The following TMEM132C variants were observed in gnomAD, a reference collection of about 807,000 sequenced individuals.
The protein encoded by TMEM132C is transmembrane protein 132C.
Under a neutral mutation model 61.4 loss-of-function variants are expected in TMEM132C, and 29 were observed. That is an observed-to-expected ratio of 0.47 (90% confidence interval 0.35 to 0.64). The LOEUF is 0.64. TMEM132C is among the 30% of genes least tolerant of loss of function. TMEM132C has a pLI of 0.00. For missense variants in TMEM132C, 1,408 were observed against 1,476.9 expected (o/e 0.95, Z 0.76); for synonymous variants, 656 against 633.1 (o/e 1.04, Z -0.54).
chr12:128,631,996 TG>T (rs1954068412), intron 4 of TMEM132C, among the ~76,000 whole-genome samples: 1 of 152,030 alleles, frequency 6.6e-6, no homozygotes, highest in African/African-American at 2.4e-5. Flanking sequence ...GGAGTGGGGA[TG>T]GGGGGAAGGG....
intron 1 of TMEM132C, among the ~76,000 whole-genome samples, chr12:128,347,066 C>A (rs1375951785): frequency 2.0e-5 from 3 of 152,116 alleles, no homozygotes; most frequent in Non-Finnish European, 4.4e-5. Flanking sequence ...AGTCTTTTAT[C>A]CCTCAGTTCC....
chr12:128,596,985 T>G (rs554151669), intron 3 of TMEM132C, among the ~76,000 whole-genome samples: 2 of 152,322 alleles, frequency 1.3e-5, no homozygotes, highest in South Asian at 4.1e-4. Context: ...CATAATGGCT[T>G]TTCCAAAACT....
At chr12:128,450,812 AC>A (rs1870153112) in intron 2 of TMEM132C, among the ~76,000 whole-genome samples, 2 of 152,238 alleles carry the variant, frequency 1.3e-5, no homozygotes, top group South Asian at 4.1e-4. Context: ...GGATGCTGGC[AC>A]CCTTTGTGCT....
At chr12:128,563,054 A>G (rs1401472461) in intron 3 of TMEM132C, among the ~76,000 whole-genome samples, 1 of 152,242 alleles carries the variant, frequency 6.6e-6, no homozygotes, top group Admixed American at 6.5e-5. Context: ...CTCTTGACCC[A>G]GAAGCTCTGT....
chr12:128,374,455 T>C (rs1683690), intron 1 of TMEM132C, among the ~76,000 whole-genome samples: 145,085 of 152,178 alleles, frequency 0.95, 69,580 homozygotes, highest in East Asian at 1. Context: ...TCGGGCACAG[T>C]GAGCACTCTG....
chr12:128,438,084 C>T (rs1221465841), intron 2 of TMEM132C: 2 of 152,124 alleles, frequency 1.3e-5, no homozygotes. Context: ...TTTGCAGATT[C>T]TGTTAGCTCT....
chr12:128,678,663 C>G (rs771552421), intron 5 of TMEM132C, among the ~76,000 whole-genome samples: 2 of 152,178 alleles, frequency 1.3e-5, no homozygotes, highest in Non-Finnish European at 2.9e-5. Context: ...CTGAGAACAT[C>G]TAGCAATGTC....
intron 5 of TMEM132C, among the ~76,000 whole-genome samples, chr12:128,692,942 G>T (rs114010273): frequency 1.3e-5 from 2 of 152,172 alleles, no homozygotes; most frequent in African/African-American, 4.8e-5. Context: ...AAAGGGAGGC[G>T]CATAGGGAAA....
chr12:128,416,830 A>G (rs1421855648), intron 2 of TMEM132C, among the ~76,000 whole-genome samples: 1 of 152,128 alleles, frequency 6.6e-6, no homozygotes, highest in Non-Finnish European at 1.5e-5. Flanking sequence ...TCATTTGCTA[A>G]TGTTTTCTGG....
intron 2 of TMEM132C, among the ~76,000 whole-genome samples, chr12:128,518,771 G>A (rs1312310003): frequency 6.6e-6 from 1 of 152,070 alleles, no homozygotes; most frequent in African/African-American, 2.4e-5. Context: ...GTGTGTGTGT[G>A]TGTATGCACA....
rs182988655 is a variant in TMEM132C at position 128,387,971 on chromosome 12, C to A, written c.86-26761C>A. On this transcript the variant is annotated intron_variant, in intron 1 of 8. Coordinates refer to ENST00000435159, the MANE Select transcript of TMEM132C (RefSeq NM_001136103.3). ...GCCCGGCCGTCACCTGTGCCCTTCC[C>A]CGCCCTCTGGTGGCAGAGCTTAGAA... is the stretch of plus-strand genomic sequence containing the variant. Among the ~76,000 whole-genome samples the A allele has an allele frequency of 5.3e-5, 8 of 152,358 alleles. No homozygotes were observed. The East Asian group carries it at 1.5e-3, about 29-fold the overall frequency.
intron 1 of TMEM132C, among the ~76,000 whole-genome samples, chr12:128,271,596 T>C (rs1044183676): frequency 5.9e-5 from 9 of 152,208 alleles, no homozygotes; most frequent in African/African-American, 2.2e-4. Context: ...TTGGGTGTAA[T>C]TTCTTTTATG....
intron 5 of TMEM132C, among the ~76,000 whole-genome samples, chr12:128,683,294 G>A (rs371866166): frequency 2.6e-5 from 4 of 152,174 alleles, no homozygotes. Flanking sequence ...TGCAGGCACT[G>A]GGCTCGTTCC....
At chr12:128,678,641 T>C (rs1224041472) in intron 5 of TMEM132C, among the ~76,000 whole-genome samples, 1 of 152,154 alleles carries the variant, frequency 6.6e-6, no homozygotes, top group Non-Finnish European at 1.5e-5. Context: ...CTCTGTGGGG[T>C]GACTGAACCC....
chr12:128,368,858 A>G (rs981983800), intron 1 of TMEM132C, among the ~76,000 whole-genome samples: 2 of 152,168 alleles, frequency 1.3e-5, no homozygotes, highest in African/African-American at 2.4e-5. Flanking sequence ...GCTTAGAGGA[A>G]GGCACACCAA....
At chr12:128,311,354 T>C (rs1352937156) in intron 1 of TMEM132C, among the ~76,000 whole-genome samples, 2 of 152,220 alleles carry the variant, frequency 1.3e-5, no homozygotes, top group Non-Finnish European at 2.9e-5. Context: ...ACTGTAATTA[T>C]GGAATTGTGA....
intron 1 of TMEM132C, among the ~76,000 whole-genome samples, chr12:128,394,448 G>C (rs2136003321): frequency 6.6e-6 from 1 of 152,302 alleles, no homozygotes; most frequent in East Asian, 1.9e-4. Context: ...ACAAACTTTT[G>C]TAAGGACTTT....
At chr12:128,429,533 A>G (rs1869314525) in intron 2 of TMEM132C, among the ~76,000 whole-genome samples, 1 of 152,194 alleles carries the variant, frequency 6.6e-6, no homozygotes, top group Non-Finnish European at 1.5e-5. Flanking sequence ...TGACAATGCA[A>G]GGAGCTCTGT....
At chr12:128,593,840 G>T (rs970917198) in intron 3 of TMEM132C, among the ~76,000 whole-genome samples, 1 of 152,078 alleles carries the variant, frequency 6.6e-6, no homozygotes, top group African/African-American at 2.4e-5. Context: ...CAAACCTCCA[G>T]TGCATTTTAG....
Sources: gnomAD v4.1 joint callset for allele counts (sites outside exome capture counted in the v4.1 genomes callset) on GRCh38, gnomAD v4.1.1 for gene constraint, MANE v1.5 for transcripts, NCBI Gene and HGNC (gene_info 2026-07-23, HGNC 2026-07-21) for gene names.